The following ROBO2 variants were observed in gnomAD, a reference collection of about 807,000 sequenced individuals.
ROBO2 encodes roundabout guidance receptor 2, also known as roundabout homolog 2.
A neutral mutation model predicts 160.8 loss-of-function variants in ROBO2; 53 were observed. The observed-to-expected ratio is 0.33, with a 90% CI of 0.26 to 0.41. The LOEUF is 0.41. Ranked by LOEUF, ROBO2 falls within the 10% of genes least tolerant of loss-of-function variation. The pLI, the probability that ROBO2 is intolerant of heterozygous loss-of-function variation, is 1.00. For synonymous variants in ROBO2, 664 were observed against 611.7 expected, an observed-to-expected ratio of 1.09 and a Z score of -1.26; for missense variants, 1,577 against 1,722.4, an observed-to-expected ratio of 0.92 and a Z score of 1.49.
At position 77,124,634 on chromosome 3, in the gene ROBO2, G is replaced by A. The variant is rs938556623; in HGVS notation, c.388+26294G>A. 2.0e-5 allele frequency among the ~76,000 whole-genome samples: 3 copies of A among 152,136 alleles called. No individual in the cohort carries two copies. The East Asian group carries it at 5.8e-4, about 29-fold the overall frequency. ...TATAATCAGGGTAGGAAAAACTTGA[G>A]GGGTCTGTTGTATTCTTGCATTCAC... On this transcript the variant is annotated intron_variant, in intron 2 of 25. Coordinates refer to ENST00000461745, the Ensembl canonical transcript of ROBO2.
At chr3:76,399,138 AAG>A (rs534693541) in intron 2 of ROBO2, among the ~76,000 whole-genome samples, 15 of 151,964 alleles carry the variant, frequency 9.9e-5, no homozygotes, top group Non-Finnish European at 1.5e-4. Context: ...AGAGATGAAA[AAG>A]AAATAGAAGA....
chr3:76,846,977 G>A (rs2068832396), intron 2 of ROBO2, among the ~76,000 whole-genome samples: 1 of 151,890 alleles, frequency 6.6e-6, no homozygotes, highest in Non-Finnish European at 1.5e-5. Context: ...CCCTCAAGAA[G>A]GAAATGTCAA....
chr3:77,480,813 GACTA>G (rs1435154404), intron 3 of ROBO2, among the ~76,000 whole-genome samples: 1 of 152,074 alleles, frequency 6.6e-6, no homozygotes, highest in African/African-American at 2.4e-5. Flanking sequence ...TCAGTGTGAA[GACTA>G]ACTACTGGGA....
At chr3:76,935,111 C>G (rs2077612859) in intron 2 of ROBO2, among the ~76,000 whole-genome samples, 1 of 151,970 alleles carries the variant, frequency 6.6e-6, no homozygotes, top group African/African-American at 2.4e-5. Context: ...GCCACCACAC[C>G]TGGCTAATTT....
At chr3:76,655,885 C>A (rs2091497998) in intron 2 of ROBO2, among the ~76,000 whole-genome samples, 1 of 151,836 alleles carries the variant, frequency 6.6e-6, no homozygotes, top group Non-Finnish European at 1.5e-5. Context: ...AATAAAAATA[C>A]ATTTTTATTG....
At chr3:76,939,999 T>TTTTTTTTTTTG (rs2078054622) in intron 2 of ROBO2, among the ~76,000 whole-genome samples, 1 of 144,556 alleles carries the variant, frequency 6.9e-6, no homozygotes, top group African/African-American at 2.5e-5. Context: ...TTTTTTTTTT[T>TTTTTTTTTTTG]GAGACGGAGT....
At chr3:76,073,142 T>A (rs1367237668) in intron 2 of ROBO2, among the ~76,000 whole-genome samples, 1 of 152,156 alleles carries the variant, frequency 6.6e-6, no homozygotes, top group Non-Finnish European at 1.5e-5. Context: ...TAGGGGAGGC[T>A]GCTCTCCATA....
At chr3:77,536,561 A>G (rs1178174040) in intron 6 of ROBO2, among the ~76,000 whole-genome samples, 3 of 151,986 alleles carry the variant, frequency 2.0e-5, no homozygotes, top group South Asian at 4.1e-4. Flanking sequence ...CCTTCATTGT[A>G]TTGTAACATG....
intron 2 of ROBO2, among the ~76,000 whole-genome samples, chr3:76,930,250 G>T (rs911995107): frequency 1.3e-5 from 2 of 151,840 alleles, no homozygotes; most frequent in African/African-American, 4.8e-5. Context: ...CAAGTGATCT[G>T]CCCACCTCTG....
chr3:77,091,995 A>G (rs1359886172), intron 1 of ROBO2: 1 of 135,594 alleles, frequency 7.4e-6, no homozygotes, highest in Non-Finnish European at 1.5e-5. Flanking sequence ...AAATAAATAA[A>G]TAAATAAATA....
chr3:76,488,592 C>T (rs1432957232), intron 2 of ROBO2, among the ~76,000 whole-genome samples: 1 of 152,106 alleles, frequency 6.6e-6, no homozygotes, highest in Non-Finnish European at 1.5e-5. Flanking sequence ...TTAAAGGGCT[C>T]ATGTGATAAG....
At chr3:76,539,033 C>T (rs58277190) in intron 2 of ROBO2, among the ~76,000 whole-genome samples, 8,680 of 152,164 alleles carry the variant, frequency 0.057, 339 homozygotes, top group African/African-American at 0.11. Context: ...AATGAGTTCA[C>T]GTCCTTTGCA....
At chr3:76,670,693 T>C (rs932424665) in intron 2 of ROBO2, among the ~76,000 whole-genome samples, 8 of 152,004 alleles carry the variant, frequency 5.3e-5, no homozygotes, top group Admixed American at 5.3e-4. Context: ...TAAATATGTT[T>C]TATAATAGAG....
intron 6 of ROBO2, among the ~76,000 whole-genome samples, 192 bp from the exon 8 acceptor site, chr3:77,546,146 T>G (rs2092688685): frequency 6.6e-6 from 1 of 152,190 alleles, no homozygotes; most frequent in South Asian, 2.1e-4. Flanking sequence ...GCTAAAAAGT[T>G]TGCTTCTTTC....
chr3:76,951,602 TA>T (rs1166432599), intron 2 of ROBO2, among the ~76,000 whole-genome samples: 1 of 152,230 alleles, frequency 6.6e-6, no homozygotes, highest in African/African-American at 2.4e-5. Flanking sequence ...TTTAAAGTGT[TA>T]TTTTTTTTAA....
intron 2 of ROBO2, among the ~76,000 whole-genome samples, chr3:76,101,202 G>T (rs1353464207): frequency 6.6e-6 from 1 of 152,070 alleles, no homozygotes; most frequent in Non-Finnish European, 1.5e-5. Context: ...CTTCTCAAAG[G>T]AATTATTATT....
At chr3:77,513,570 C>A (rs954644114) in intron 5 of ROBO2, among the ~76,000 whole-genome samples, 1 of 151,846 alleles carries the variant, frequency 6.6e-6, no homozygotes, top group South Asian at 2.1e-4. Flanking sequence ...TAAGATTATT[C>A]ATCAAATATA....
chr3:76,937,957 TC>T (rs1308445093), intron 2 of ROBO2, among the ~76,000 whole-genome samples: 1 of 152,192 alleles, frequency 6.6e-6, no homozygotes, highest in Non-Finnish European at 1.5e-5. Flanking sequence ...AAACTAGGAT[TC>T]AAGTAAAACA....
intron 2 of ROBO2, among the ~76,000 whole-genome samples, chr3:77,402,249 A>T (rs1053780935): frequency 2.0e-5 from 3 of 152,054 alleles, no homozygotes; most frequent in African/African-American, 7.2e-5. Context: ...TAACACATGG[A>T]CACAGGGAGG....
Sources: gnomAD v4.1 joint callset for allele counts (sites outside exome capture counted in the v4.1 genomes callset) on GRCh38, gnomAD v4.1.1 for gene constraint, MANE v1.5 for transcripts, NCBI Gene and HGNC (gene_info 2026-07-23, HGNC 2026-07-21) for gene names.